Variants in SLC26A8 observed in about 807,000 individuals in gnomAD.
SLC26A8 encodes the protein testis anion transporter 1.
SLC26A8 carries 70 observed loss-of-function variants against 105.0 expected under a neutral mutation model. That is an observed-to-expected ratio of 0.67 (90% CI 0.55 to 0.81). The LOEUF (loss-of-function observed/expected upper bound fraction) is 0.81. SLC26A8 is among the 40% of genes least tolerant of loss of function. The pLI is 0.00. For missense variants in SLC26A8, 998 were observed against 1,181.8 expected, an observed-to-expected ratio of 0.84 and a Z score of 2.28; for synonymous variants, 415 against 438.3, an observed-to-expected ratio of 0.95 and a Z score of 0.66.
At position 35,984,748 on chromosome 6, in the gene SLC26A8, G is replaced by A. The variant is rs140537047; in HGVS notation, c.943-2545C>T. 9.0e-4 allele frequency among the ~76,000 whole-genome samples: 137 copies of A among 152,240 alleles called. 2 individuals are homozygous for A. The highest frequency in any genetic ancestry group is 3.1e-3 in the African/African-American group (128 of 41,550). On this transcript the variant is annotated intron_variant, in intron 7 of 19. Transcript: ENST00000490799. ...TCTGGTTCATGTTGATTGCTTTCAA[G>A]GCTGTGTAAACCAAAAACAATATTC... is the stretch of plus-strand genomic sequence containing the variant.
intron 6 of SLC26A8, 94 bp downstream of exon 6, chr6:35,992,416 A>G: frequency 7.6e-7 from 1 of 1,323,170 alleles, no homozygotes; most frequent in Non-Finnish European, 1.0e-6. Context: ...GTCTCCTTTC[A>G]GAAGGGGCGG....
chr6:36,022,182 G>T (rs1349053702), intron 1 of SLC26A8, among the ~76,000 whole-genome samples: 1 of 150,146 alleles, frequency 6.7e-6, no homozygotes, highest in East Asian at 2.0e-4. Flanking sequence ...GGCCAGGCTG[G>T]TCTTGAATTC....
At chr6:35,991,401 CAAAAA>C (rs10717911) in intron 7 of SLC26A8, among the ~76,000 whole-genome samples, 1 of 100,470 alleles carries the variant, frequency 1.0e-5, no homozygotes, top group South Asian at 3.3e-4. Flanking sequence ...AAGACTCTGT[CAAAAA>C]AAAAAAAAAA....
intron 12 of SLC26A8, 46 bp from the exon 13 acceptor site, chr6:35,961,145 C>T (rs765202031): frequency 6.8e-7 from 1 of 1,478,026 alleles, no homozygotes; most frequent in Non-Finnish European, 9.4e-7. Flanking sequence ...AAAACAAGTT[C>T]AACTGAGAAA....
intron 2 of SLC26A8, among the ~76,000 whole-genome samples, chr6:36,017,196 T>TAGAAGGAA (rs1762016111): frequency 6.7e-6 from 1 of 148,656 alleles, no homozygotes; most frequent in African/African-American, 2.5e-5. Flanking sequence ...GAAAGAAGAA[T>TAGAAGGAA]GGAAGGAAGG....
chr6:35,984,782 C>T (rs1354109330), intron 7 of SLC26A8, among the ~76,000 whole-genome samples: 5 of 152,132 alleles, frequency 3.3e-5, no homozygotes, highest in Non-Finnish European at 5.9e-5. Flanking sequence ...TCTAAGGCCC[C>T]CAGTCATCTG....
chr6:35,953,753 C>T lies in SLC26A8; in HGVS notation c.2232+1399G>A, dbSNP rs1581625748. The stretch of plus-strand genomic sequence containing the variant: ...TTTTGTAGATTAGGAAACGGAGACC[C>T]AGTTCAATTTAGTAACTTGCCTCGG... On this transcript the variant is annotated intron_variant, in intron 17 of 19. Coordinates refer to ENST00000490799, the MANE Select transcript of SLC26A8 (RefSeq NM_052961.4). Among the ~76,000 whole-genome samples, 5 of 152,236 alleles carry T rather than the reference C, an allele frequency of 3.3e-5. 2 individuals are homozygous for T. The highest frequency in any genetic ancestry group is 3.3e-4 in the Admixed American group (5 of 15,286).
At chr6:36,016,207 T>C (rs200167098) in intron 2 of SLC26A8, among the ~76,000 whole-genome samples, 2 of 152,094 alleles carry the variant, frequency 1.3e-5, no homozygotes, top group East Asian at 3.9e-4. Flanking sequence ...TTGGCCAGGA[T>C]GGTCTCAAAC....
At chr6:35,991,929 T>A (rs1761178142) in intron 6 of SLC26A8, 121 bp from the exon 7 acceptor site, 6 of 972,202 alleles carry the variant, frequency 6.2e-6, no homozygotes, top group African/African-American at 5.1e-5. Flanking sequence ...GGTACAAAGG[T>A]CTTTATGGGT....
intron 1 of SLC26A8, among the ~76,000 whole-genome samples, chr6:36,020,559 C>T (rs1467992379): frequency 1.3e-5 from 2 of 152,066 alleles, no homozygotes; most frequent in South Asian, 2.1e-4. Flanking sequence ...GTGGAGGTTG[C>T]AGTGAGCTGG....
rs1195602569 is a variant in SLC26A8 at position 36,015,994 on chromosome 6, G to GT, written c.188+3525dup. On this transcript the variant is annotated intron_variant, in intron 2 of 19. Transcript: ENST00000490799. Reference sequence around the variant, plus strand: ...TGATGTAGGTCACAAAGGATTCTTTGTTTTTTTTTTTTCTTTTTGAGACAG... The same window carrying GT: ...TGATGTAGGTCACAAAGGATTCTTTGTTTTTTTTTTTTTCTTTTTGAGACAG... 5.1e-3 allele frequency among the ~76,000 whole-genome samples: 744 copies of GT among 145,028 alleles called. 3 individuals carry two copies. Among genetic ancestry groups the GT allele is most frequent in the African/African-American group, 0.012 (487 of 39,864 alleles).
At chr6:35,985,437 G>C (rs143068435) in intron 7 of SLC26A8, among the ~76,000 whole-genome samples, 4 of 152,220 alleles carry the variant, frequency 2.6e-5, no homozygotes, top group Non-Finnish European at 5.9e-5. Flanking sequence ...GCTCATGCCT[G>C]TAATCCCAGC....
intron 11 of SLC26A8, among the ~76,000 whole-genome samples, chr6:35,968,589 A>ATGTGTGTGAAATATACATATGTGTGTGTG (rs1554163640): frequency 1.6e-5 from 1 of 61,414 alleles, no homozygotes; most frequent in African/African-American, 5.4e-5. Flanking sequence ...ATATGTGTGT[A>ATGTGTGTGAAATATACATATGTGTGTGTG]TGTGTGTGTG....
At chr6:35,958,466 T>C (rs1439390363) in intron 16 of SLC26A8, among the ~76,000 whole-genome samples, 1 of 152,028 alleles carries the variant, frequency 6.6e-6, no homozygotes, top group African/African-American at 2.4e-5. Flanking sequence ...TATGCTATTT[T>C]GTCAATCTTA....
At chr6:36,018,297 G>A (rs1762045528) in intron 2 of SLC26A8, among the ~76,000 whole-genome samples, 1 of 152,098 alleles carries the variant, frequency 6.6e-6, no homozygotes, top group African/African-American at 2.4e-5. Context: ...CAAAAATGTG[G>A]TATATAAATA....
chr6:35,970,273 C>T (rs1242656736), intron 10 of SLC26A8, among the ~76,000 whole-genome samples: 2 of 152,116 alleles, frequency 1.3e-5, no homozygotes, highest in African/African-American at 2.4e-5. Flanking sequence ...GGTTCCCTCT[C>T]GCTACTCATT....
Position 35,943,811 on chromosome 6 carries a change from G to C in SLC26A8, c.*89C>G. The C allele has an allele frequency of 6.5e-7, 1 of 1,530,366 alleles. No individual in the cohort carries two copies. Among genetic ancestry groups the C allele is most frequent in the Non-Finnish European group, 8.8e-7 (1 of 1,136,234 alleles). The allele number at this position is 1,530,366 out of a possible 1,614,324, so 94.8% of individuals were successfully genotyped here. ...GTCAGGAAGGAAGTACTGCTAGTTCGTATCCAGTCTAGGTCTCTGGACAAT... is the reference window on the plus strand; with the variant it reads ...GTCAGGAAGGAAGTACTGCTAGTTCCTATCCAGTCTAGGTCTCTGGACAAT... On this transcript the variant is annotated 3_prime_UTR_variant, in exon 20 of 20. Coordinates refer to ENST00000490799, the MANE Select transcript of SLC26A8 (RefSeq NM_052961.4).
Position 36,019,546 on chromosome 6 carries a change from G to C in SLC26A8, c.162C>G (p.Thr54=), listed in dbSNP as rs150234118. The C allele has an allele frequency of 3.4e-4, 554 of 1,613,688 alleles. No homozygotes were observed. Among genetic ancestry groups the C allele is most frequent in the Non-Finnish European group, 4.6e-4 (543 of 1,179,968 alleles). ...SSSGNMNINI[T]TFRHHVQCRC... ...GGCACTGGACGTGGTGTCTGAAGGT[G>C]GTGATGTTGATGTTCATGTTCCCAG... is the stretch of plus-strand genomic sequence containing the variant. Residue 54 remains threonine (T), a synonymous_variant, in exon 2 of 20, where the codon ACC becomes ACG. Transcript: ENST00000490799.
chr6:35,973,162 T>C (rs887799224), intron 10 of SLC26A8, among the ~76,000 whole-genome samples: 1 of 152,218 alleles, frequency 6.6e-6, no homozygotes, highest in African/African-American at 2.4e-5. Context: ...TACATTATGC[T>C]TATATACTGA....
Sources: gnomAD v4.1 joint callset for allele counts (sites outside exome capture counted in the v4.1 genomes callset) on GRCh38, gnomAD v4.1.1 for gene constraint, MANE v1.5 for transcripts, NCBI Gene and HGNC (gene_info 2026-07-23, HGNC 2026-07-21) for gene names.